Variants in PGCKA1 observed in about 807,000 individuals in gnomAD.
PGCKA1 encodes PDCD10 and GCKIII kinases associated 1.
chr4:37,560,080 C>T, the PGCKA1 span, among the ~76,000 whole-genome samples: 12 of 152,330 alleles, frequency 7.9e-5, no homozygotes, highest in African/African-American at 2.9e-4. Context: ...ACTTTCTGCA[C>T]TCTAGTCATC....
chr4:37,466,927 A>G, the PGCKA1 span, among the ~76,000 whole-genome samples: 1 of 152,132 alleles, frequency 6.6e-6, no homozygotes, highest in Admixed American at 6.5e-5. Flanking sequence ...GTGAAACCCC[A>G]TCTCTACTAA....
the PGCKA1 span, among the ~76,000 whole-genome samples, chr4:37,539,921 T>G: frequency 6.6e-6 from 1 of 152,214 alleles, no homozygotes; most frequent in African/African-American, 2.4e-5. Context: ...CAGCACGCAT[T>G]TATCATTTCT....
At chr4:37,487,511 T>A in the PGCKA1 span, among the ~76,000 whole-genome samples, 6 of 152,188 alleles carry the variant, frequency 3.9e-5, no homozygotes, top group Non-Finnish European at 8.8e-5. Flanking sequence ...TACCCTGGTA[T>A]AATTTACATA....
chr4:37,580,999 C>A, the PGCKA1 span, among the ~76,000 whole-genome samples: 1 of 152,140 alleles, frequency 6.6e-6, no homozygotes, highest in Non-Finnish European at 1.5e-5. Flanking sequence ...GGCAAAGGAT[C>A]CTCTTCCTAT....
chr4:37,582,754 A>G, the PGCKA1 span, among the ~76,000 whole-genome samples: 1 of 152,156 alleles, frequency 6.6e-6, no homozygotes, highest in South Asian at 2.1e-4. Context: ...ACCTTTGATT[A>G]CTTGGTTAAG....
the PGCKA1 span, among the ~76,000 whole-genome samples, chr4:37,534,668 C>G: frequency 6.6e-6 from 1 of 152,182 alleles, no homozygotes; most frequent in Non-Finnish European, 1.5e-5. Flanking sequence ...CGAGGGCTTG[C>G]TGTCACCCAT....
the PGCKA1 span, among the ~76,000 whole-genome samples, chr4:37,580,016 A>G: frequency 1.3e-5 from 2 of 152,218 alleles, no homozygotes; most frequent in Admixed American, 6.5e-5. Context: ...CATGTCTTCA[A>G]GGTCACTAAT....
the PGCKA1 span, among the ~76,000 whole-genome samples, chr4:37,585,204 A>G: frequency 2.9e-4 from 2 of 6,788 alleles, no homozygotes; most frequent in Non-Finnish European, 4.3e-4. Flanking sequence ...GAGGAGAGGT[A>G]TTGAGGGAGG....
chr4:37,495,512 A>G, the PGCKA1 span, among the ~76,000 whole-genome samples: 5 of 152,208 alleles, frequency 3.3e-5, no homozygotes, highest in Non-Finnish European at 4.4e-5. Flanking sequence ...CATATACACC[A>G]TGGAATACTA....
the PGCKA1 span, among the ~76,000 whole-genome samples, chr4:37,532,650 C>A: frequency 6.6e-6 from 1 of 152,144 alleles, no homozygotes; most frequent in African/African-American, 2.4e-5. Flanking sequence ...AAACTTTGCA[C>A]CTGCCAGAAC....
chr4:37,515,425 A>T, the PGCKA1 span, among the ~76,000 whole-genome samples: 1 of 152,114 alleles, frequency 6.6e-6, no homozygotes, highest in Admixed American at 6.5e-5. Context: ...AGAGACAAAG[A>T]CCCCCCACTC....
the PGCKA1 span, among the ~76,000 whole-genome samples, chr4:37,579,592 A>G: frequency 6.6e-6 from 1 of 152,306 alleles, no homozygotes. Context: ...TGCCACTGAC[A>G]TGTCATATCT....
At chr4:37,572,414 A>G in the PGCKA1 span, among the ~76,000 whole-genome samples, 1 of 152,168 alleles carries the variant, frequency 6.6e-6, no homozygotes, top group Non-Finnish European at 1.5e-5. Context: ...ACTAACAGAA[A>G]AGTTGCAAGA....
At chr4:37,463,542 C>A in the PGCKA1 span, among the ~76,000 whole-genome samples, 1 of 152,166 alleles carries the variant, frequency 6.6e-6, no homozygotes, top group African/African-American at 2.4e-5. Context: ...CCCCACCAAG[C>A]CTGATCCCCC....
the PGCKA1 span, among the ~76,000 whole-genome samples, chr4:37,578,453 G>C: frequency 2.2e-3 from 342 of 152,228 alleles, 1 homozygote; most frequent in African/African-American, 7.8e-3. Flanking sequence ...TAGGTGAAAT[G>C]TGTTTCTAAT....
At chr4:37,509,708 C>T in the PGCKA1 span, among the ~76,000 whole-genome samples, 1 of 151,368 alleles carries the variant, frequency 6.6e-6, no homozygotes, top group Non-Finnish European at 1.5e-5. Context: ...CATCTGCAAT[C>T]CCAGCACTTC....
At chr4:37,548,758 G>T in the PGCKA1 span, among the ~76,000 whole-genome samples, 1 of 151,970 alleles carries the variant, frequency 6.6e-6, no homozygotes, top group Non-Finnish European at 1.5e-5. Context: ...AAAAATAGGT[G>T]CTAAAAGAAA....
chr4:37,566,282 AT>A, the PGCKA1 span, among the ~76,000 whole-genome samples: 2 of 145,976 alleles, frequency 1.4e-5, no homozygotes, highest in Non-Finnish European at 1.5e-5. Flanking sequence ...TTTTTATTTT[AT>A]TTTTTTTTGC....
the PGCKA1 span, among the ~76,000 whole-genome samples, chr4:37,569,092 G>A: frequency 6.6e-6 from 1 of 150,918 alleles, no homozygotes. Context: ...GTGAGACCCT[G>A]TCTCAAAAAA....
Sources: allele counts gnomAD v4.1 joint callset (sites outside exome capture counted in the v4.1 genomes callset), GRCh38; gene constraint gnomAD v4.1.1; transcripts MANE v1.5; gene names NCBI Gene and HGNC (gene_info 2026-07-23, HGNC 2026-07-21).